Variants in COL18A1 observed in about 807,000 individuals in gnomAD.
COL18A1 encodes collagen alpha-1(XVIII) chain.
In COL18A1, 133 loss-of-function variants were observed where a neutral mutation model predicts 168.0. The observed-to-expected ratio is 0.79, with a 90% CI of 0.69 to 0.91. The LOEUF (loss-of-function observed/expected upper bound fraction) is 0.91, where lower values mean the gene tolerates loss of function less well. Ranked by LOEUF, COL18A1 falls within the 40% of genes least tolerant of loss-of-function variation. The probability of loss-of-function intolerance (pLI) is 0.00; values close to 1 mark genes in which losing one functional copy is unlikely to be tolerated. For synonymous variants in COL18A1, 949 were observed against 809.0 expected, an observed-to-expected ratio of 1.17 and a Z score of -2.94; for missense variants, 2,126 against 1,925.4, an observed-to-expected ratio of 1.10 and a Z score of -1.95.
At chr21:45,497,817 T>C (rs1335351098) in intron 32 of COL18A1, 156 bp downstream of exon 32, 4 of 1,018,460 alleles carry the variant, frequency 3.9e-6, no homozygotes, top group Non-Finnish European at 5.8e-6. Flanking sequence ...TCTGGGTTGA[T>C]GGGGGCCTCA....
rs73386835 is a variant in COL18A1, at chr21:45,456,067, C to T, written c.107-12175C>T. On this transcript the variant is annotated intron_variant, in intron 2 of 41. Transcript: ENST00000651438. ...GCCGTGGCATTCCTAGCTCTCCGGGCGCCCACACAACCGAGGCTGGCACCT... is the reference window on the plus strand; with the variant it reads ...GCCGTGGCATTCCTAGCTCTCCGGGTGCCCACACAACCGAGGCTGGCACCT... 11 of 1,604,668 alleles carry T rather than the reference C, an allele frequency of 6.9e-6. No homozygotes were observed. The highest frequency in any genetic ancestry group is 3.3e-5 in the South Asian group (3 of 90,816).
At position 45,512,174 on chromosome 21, in the gene COL18A1, G is replaced by A. The variant is rs191722460; in HGVS notation, c.3810-14G>A. On this transcript the variant is annotated splice_polypyrimidine_tract_variant and intron_variant, in intron 41 of 41. Transcript: ENST00000651438. ...CAGGTCTGGGTTTGACTGACGGCCC[G>A]GCGCGTCTTACAGGCCCCAGAAGAG... 1.2e-4 allele frequency: 194 copies of A among 1,607,752 alleles called. 1 individual carries two copies. In the Middle Eastern group the frequency reaches 4.0e-3, roughly 33 times the overall value.
chr21:45,431,259 C>T (rs1168666697), intron 2 of COL18A1, among the ~76,000 whole-genome samples: 2 of 152,158 alleles, frequency 1.3e-5, no homozygotes, highest in Non-Finnish European at 2.9e-5. Context: ...TTTGCAGAGA[C>T]CTGGGGAGGC....
intron 31 of COL18A1, 123 bp downstream of exon 31, chr21:45,497,215 C>A: frequency 1.3e-6 from 1 of 741,028 alleles, no homozygotes. Flanking sequence ...TGCTACACGC[C>A]CAGCCCACGC....
At chr21:45,490,947 A>C (rs1008009922) in intron 21 of COL18A1, 76 bp downstream of exon 21, 1 of 1,380,476 alleles carries the variant, frequency 7.2e-7, no homozygotes. Context: ...CAGCTGCCCC[A>C]GGTCCGTGCC....
chr21:45,455,609 A>T (rs554930126), intron 2 of COL18A1: 1 of 1,613,934 alleles, frequency 6.2e-7, no homozygotes, highest in African/African-American at 1.3e-5. Flanking sequence ...CAACCTGCTG[A>T]ACCTGAACTG....
chr21:45,503,929 C>A, intron 32 of COL18A1, 82 bp from the exon 33 acceptor site: 1 of 1,517,190 alleles, frequency 6.6e-7, no homozygotes, highest in Non-Finnish European at 9.1e-7. Context: ...TCAGGCAAAC[C>A]CACCAGTGCT....
intron 2 of COL18A1, among the ~76,000 whole-genome samples, chr21:45,444,081 T>C (rs2034452761): frequency 2.0e-5 from 3 of 152,202 alleles, no homozygotes; most frequent in Admixed American, 2.0e-4. Flanking sequence ...TCTTGTCTTC[T>C]GTTCGGCCCC....
chr21:45,488,519 C>G (rs2036193035), intron 18 of COL18A1, 75 bp downstream of exon 18: 1 of 1,607,926 alleles, frequency 6.2e-7, no homozygotes, highest in Non-Finnish European at 8.5e-7. Context: ...CTGGGGGAGA[C>G]AGGGCCTTGC....
At chr21:45,490,199 C>T (rs2036267665) in intron 19 of COL18A1, 76 bp from the exon 20 acceptor site, 1 of 1,268,438 alleles carries the variant, frequency 7.9e-7, no homozygotes, top group East Asian at 2.5e-5. Context: ...CCACGGGTGC[C>T]CCGGACTCCT....
chr21:45,510,363 CCAT>C (rs2037505737), intron 40 of COL18A1, 102 bp downstream of exon 40: 2 of 1,307,040 alleles, frequency 1.5e-6, no homozygotes, highest in Admixed American at 2.0e-5. Context: ...CTGGAGGCCA[CCAT>C]GTTACAGACA....
intron 2 of COL18A1, chr21:45,456,577 C>G (rs1008853401): frequency 1.3e-6 from 2 of 1,544,178 alleles, no homozygotes; most frequent in Non-Finnish European, 1.7e-6. Flanking sequence ...ACCTGGGCAT[C>G]TCACGCTTCT....
intron 2 of COL18A1, among the ~76,000 whole-genome samples, chr21:45,419,199 G>A (rs1015169194): frequency 2.0e-5 from 3 of 152,130 alleles, no homozygotes; most frequent in African/African-American, 4.8e-5. Context: ...GTAGTAAGGC[G>A]ATGCCGTGTG....
intron 20 of COL18A1, 31 bp downstream of exon 20, chr21:45,490,377 G>C: frequency 6.6e-7 from 1 of 1,518,788 alleles, no homozygotes; most frequent in Non-Finnish European, 8.9e-7. Flanking sequence ...CAGGGTGCAG[G>C]GGGGGCGTGG....
chr21:45,449,172 C>T (rs1044412328), intron 2 of COL18A1, among the ~76,000 whole-genome samples: 1 of 152,234 alleles, frequency 6.6e-6, no homozygotes, highest in African/African-American at 2.4e-5. Flanking sequence ...GTGTCTCTGG[C>T]GGCCTTCCCA....
At chr21:45,484,065 CA>C (rs1300348086) in intron 15 of COL18A1, among the ~76,000 whole-genome samples, 2,627 of 140,512 alleles carry the variant, frequency 0.019, 392 homozygotes, top group African/African-American at 0.021. Context: ...CACACACACA[CA>C]CTTCTCCAGC....
At chr21:45,484,723 C>T (rs1240042288) in intron 15 of COL18A1, among the ~76,000 whole-genome samples, 3 of 152,240 alleles carry the variant, frequency 2.0e-5, no homozygotes, top group Admixed American at 1.3e-4. Context: ...ACACACATCT[C>T]TCTAGCATAT....
chr21:45,491,284 G>A lies in COL18A1; in HGVS notation c.2127G>A (p.Pro709=), dbSNP rs370417664. The A allele has an allele frequency of 2.5e-5, 41 of 1,612,100 alleles. No individual in the cohort carries two copies. Among genetic ancestry groups the A allele is most frequent in the South Asian group, 5.5e-5 (5 of 91,040 alleles). The part of the protein sequence containing the change: ...QPGLPGPPGP[P]GPVVYVSEQD... ...GCCTCCCTGGCCCCCCCGGACCCCC[G>A]GGACCTGTGGTCTACGTGTCGGAGC... The change falls in exon 22 of 42, where the codon CCG becomes CCA. Residue 709 remains proline (P), a synonymous_variant. Transcript: ENST00000651438.
rs2035122789 is a variant in COL18A1 at position 45,463,986 on chromosome 21, C to G, written c.107-4256C>G. ...GGTGTCTAGCCTGGATGCCACCCAGCTATGCCAAATGCGGGGAGAAACTCC... is the reference window on the plus strand; with the variant it reads ...GGTGTCTAGCCTGGATGCCACCCAGGTATGCCAAATGCGGGGAGAAACTCC... On this transcript the variant is annotated intron_variant, in intron 2 of 41. Coordinates refer to ENST00000651438, the MANE Select transcript of COL18A1 (RefSeq NM_001379500.1). This position sits in a 1 kb window ranked among gnomAD's most constrained non-coding sequence, Gnocchi z 4.0. Among the ~76,000 whole-genome samples, 1 of 152,216 alleles carries G rather than the reference C, an allele frequency of 6.6e-6. No homozygotes were observed. The highest frequency in any genetic ancestry group is 2.1e-4 in the South Asian group (1 of 4,832).
Sources: allele counts gnomAD v4.1 joint callset (sites outside exome capture counted in the v4.1 genomes callset), GRCh38; gene constraint gnomAD v4.1.1; non-coding constraint Gnocchi (gnomAD v3.1); transcripts MANE v1.5; gene names NCBI Gene and HGNC (gene_info 2026-07-23, HGNC 2026-07-21).